The following AUTS2 variants were observed in gnomAD, a reference collection of about 807,000 sequenced individuals.
AUTS2 encodes activator of transcription and developmental regulator AUTS2.
AUTS2 carries 17 observed loss-of-function variants against 112.4 expected under a neutral mutation model. The ratio of observed to expected loss-of-function variants is 0.15; its 90% CI spans 0.10 to 0.23. The LOEUF is 0.23. AUTS2 is among the 10% of genes least tolerant of loss of function. The probability of loss-of-function intolerance (pLI) is 1.00; values close to 1 mark genes in which losing one functional copy is unlikely to be tolerated. For missense variants in AUTS2, 1,510 were observed against 1,701.6 expected (o/e 0.89, Z 1.98); for synonymous variants, 751 against 702.7 (o/e 1.07, Z -1.09).
At chr7:70,594,306 G>A (rs1339390840) in intron 5 of AUTS2, among the ~76,000 whole-genome samples, 1 of 152,132 alleles carries the variant, frequency 6.6e-6, no homozygotes, top group Non-Finnish European at 1.5e-5. Context: ...CCCTGGGGTT[G>A]GGGGGCAGGG....
At chr7:70,753,957 C>A (rs1467650737) in intron 6 of AUTS2, among the ~76,000 whole-genome samples, 1 of 150,610 alleles carries the variant, frequency 6.6e-6, no homozygotes, top group African/African-American at 2.4e-5. Flanking sequence ...GAGATCGAGA[C>A]CATCCTGGCT....
At chr7:70,787,659 G>T (rs2293496) in intron 18 of AUTS2, among the ~76,000 whole-genome samples, 1 of 151,972 alleles carries the variant, frequency 6.6e-6, no homozygotes, top group African/African-American at 2.4e-5. Context: ...TGTCTCAGTC[G>T]CAGTTATACA....
chr7:70,667,677 A>G (rs1266909273), intron 5 of AUTS2, among the ~76,000 whole-genome samples: 1 of 152,230 alleles, frequency 6.6e-6, no homozygotes, highest in African/African-American at 2.4e-5. Flanking sequence ...AACTCAGGGA[A>G]ATTCTGCTGA....
intron 1 of AUTS2, among the ~76,000 whole-genome samples, chr7:69,772,127 T>C (rs191028946): frequency 6.6e-6 from 1 of 152,108 alleles, no homozygotes; most frequent in East Asian, 1.9e-4. Flanking sequence ...GAAATGGGGA[T>C]CCTTATGTCT....
intron 4 of AUTS2, among the ~76,000 whole-genome samples, chr7:70,382,666 T>C (rs1347361253): frequency 1.3e-5 from 2 of 152,192 alleles, no homozygotes; most frequent in African/African-American, 2.4e-5. Flanking sequence ...GGACTCATTA[T>C]GCAGCTTTGC....
rs541660380 is a variant in AUTS2, at chr7:70,477,788, T to C, written c.690+42007T>C. Reference sequence around the variant, plus strand: ...TTAAAAGGCCTCCAAGCTTGATGTGTACTGGGAATCCACAAGTTTACTTTC... The same window carrying C: ...TTAAAAGGCCTCCAAGCTTGATGTGCACTGGGAATCCACAAGTTTACTTTC... On this transcript the variant is annotated intron_variant, in intron 5 of 18. Coordinates refer to ENST00000342771, the MANE Select transcript of AUTS2 (RefSeq NM_015570.4). Among the ~76,000 whole-genome samples, 655 of 118,842 alleles carry C rather than the reference T, an allele frequency of 5.5e-3. 4 individuals carry two copies. The highest frequency in any genetic ancestry group is 0.022 in the Middle Eastern group (5 of 232). 78.0% of individuals were successfully genotyped at this position (118,842 alleles called of 152,430 possible).
chr7:70,181,445 C>T (rs528559085), intron 4 of AUTS2, among the ~76,000 whole-genome samples: 3 of 151,956 alleles, frequency 2.0e-5, no homozygotes, highest in South Asian at 4.2e-4. Flanking sequence ...TTATTTCACT[C>T]CTCCTTTGTC....
intron 5 of AUTS2, among the ~76,000 whole-genome samples, chr7:70,595,587 A>C (rs1190806039): frequency 6.6e-6 from 1 of 151,984 alleles, no homozygotes; most frequent in Admixed American, 6.6e-5. Flanking sequence ...TCTCTTTAGA[A>C]AGACTAGGAA....
chr7:70,785,820 G>A (rs2129560700), intron 16 of AUTS2, 135 bp from the exon 17 acceptor site: 1 of 721,298 alleles, frequency 1.4e-6, no homozygotes, highest in East Asian at 2.7e-5. Flanking sequence ...TACACCATCT[G>A]GTAGGAAAAG....
At chr7:69,895,548 C>T (rs549385043) in intron 1 of AUTS2, among the ~76,000 whole-genome samples, 7 of 146,120 alleles carry the variant, frequency 4.8e-5, no homozygotes, top group African/African-American at 1.5e-4. Flanking sequence ...CTTCTTCCCC[C>T]CCCCCGAGTG....
intron 4 of AUTS2, among the ~76,000 whole-genome samples, chr7:70,425,124 A>G (rs1488816164): frequency 6.6e-6 from 1 of 152,212 alleles, no homozygotes; most frequent in Admixed American, 6.5e-5. Context: ...GATACTTAGC[A>G]TGGAAAGCCG....
At chr7:70,034,197 CAG>C (rs1661625098) in intron 2 of AUTS2, among the ~76,000 whole-genome samples, 1 of 152,118 alleles carries the variant, frequency 6.6e-6, no homozygotes, top group African/African-American at 2.4e-5. Flanking sequence ...TCTGAAAAAT[CAG>C]AGTCGTGGGA....
At chr7:69,746,550 G>A (rs372015660) in intron 1 of AUTS2, among the ~76,000 whole-genome samples, 9 of 152,100 alleles carry the variant, frequency 5.9e-5, no homozygotes, top group South Asian at 4.1e-4. Context: ...AATGAGCTGC[G>A]CAACTCTTCT....
intron 5 of AUTS2, among the ~76,000 whole-genome samples, chr7:70,666,407 C>T (rs905775715): frequency 3.9e-5 from 6 of 152,106 alleles, no homozygotes; most frequent in African/African-American, 9.7e-5. Flanking sequence ...GAAGAGAAAT[C>T]GGTTCTGGAA....
chr7:70,067,852 TA>T (rs543724371), intron 2 of AUTS2, among the ~76,000 whole-genome samples: 5,499 of 130,730 alleles, frequency 0.042, 126 homozygotes, highest in South Asian at 0.073. Context: ...AGCACCTGTC[TA>T]AAAAAAAAAA....
chr7:69,635,298 T>C (rs1363694696), intron 1 of AUTS2, among the ~76,000 whole-genome samples: 2 of 152,250 alleles, frequency 1.3e-5, no homozygotes, highest in Non-Finnish European at 2.9e-5. Flanking sequence ...ATGTTCATGC[T>C]TTACCTACCA....
At chr7:70,487,256 A>G (rs115444140) in intron 5 of AUTS2, among the ~76,000 whole-genome samples, 2,481 of 151,958 alleles carry the variant, frequency 0.016, 68 homozygotes, top group African/African-American at 0.057. Context: ...AACCCTCCAT[A>G]GTGTGCTCCA....
At chr7:69,847,166 G>C (rs1270478732) in intron 1 of AUTS2, among the ~76,000 whole-genome samples, 1 of 152,100 alleles carries the variant, frequency 6.6e-6, no homozygotes, top group South Asian at 2.1e-4. Flanking sequence ...TGGCTTAATA[G>C]AACATACGAC....
At position 70,525,415 on chromosome 7, in the gene AUTS2, T is replaced by A. The variant is rs565437060; in HGVS notation, c.690+89634T>A. Among the ~76,000 whole-genome samples the A allele has an allele frequency of 6.0e-5, 4 of 66,660 alleles. No individual in the cohort carries two copies. The East Asian group carries it at 1.0e-3, about 17-fold the overall frequency. 43.7% of individuals were successfully genotyped at this position (66,660 alleles called of 152,430 possible). A position where few individuals can be genotyped will look rare whatever the true frequency, so the allele number is the denominator to read the frequency against. On this transcript the variant is annotated intron_variant, in intron 5 of 18. Coordinates refer to ENST00000342771, the MANE Select transcript of AUTS2 (RefSeq NM_015570.4). ...AGGGACTCAATGTATATTTGTTGAA[T>A]GAATGAATGAATGAATGAATGAATG...
Sources: gnomAD v4.1 joint callset for allele counts (sites outside exome capture counted in the v4.1 genomes callset) on GRCh38, gnomAD v4.1.1 for gene constraint, MANE v1.5 for transcripts, NCBI Gene and HGNC (gene_info 2026-07-23, HGNC 2026-07-21) for gene names.